The following GMDS variants were observed in gnomAD, a reference collection of about 807,000 sequenced individuals.
GMDS encodes the protein GDP-mannose 4,6 dehydratase.
Under a neutral mutation model 49.9 loss-of-function variants are expected in GMDS, and 20 were observed. The ratio of observed to expected loss-of-function variants is 0.40; its 90% confidence interval spans 0.28 to 0.58. The LOEUF (loss-of-function observed/expected upper bound fraction) is 0.58, where lower values mean the gene tolerates loss of function less well. Among genes scored for constraint, GMDS ranks in the 20% least tolerant of loss-of-function variants. The probability of loss-of-function intolerance (pLI) is 0.42; values close to 1 mark genes in which losing one functional copy is unlikely to be tolerated. For synonymous variants in GMDS, 177 were observed against 178.6 expected (o/e 0.99, Z 0.07); for missense variants, 362 against 481.4 (o/e 0.75, Z 2.32).
At chr6:1,904,606 G>A (rs1252696988) in intron 7 of GMDS, among the ~76,000 whole-genome samples, 1 of 152,208 alleles carries the variant, frequency 6.6e-6, no homozygotes, top group African/African-American at 2.4e-5. Context: ...AGAGTGCTGT[G>A]CTCACTGCTG....
At chr6:1,863,312 G>A (rs1054951585) in intron 7 of GMDS, among the ~76,000 whole-genome samples, 3 of 152,032 alleles carry the variant, frequency 2.0e-5, no homozygotes, top group Admixed American at 6.6e-5. Flanking sequence ...ATGTTTTTAC[G>A]ATTTCACTTC....
intron 9 of GMDS, among the ~76,000 whole-genome samples, chr6:1,699,517 T>A (rs1412056007): frequency 6.6e-6 from 1 of 152,118 alleles, no homozygotes; most frequent in Non-Finnish European, 1.5e-5. Context: ...TGGCTGCCTC[T>A]AGAGGCTCCC....
At chr6:2,071,822 G>A (rs936064629) in intron 4 of GMDS, among the ~76,000 whole-genome samples, 2 of 152,108 alleles carry the variant, frequency 1.3e-5, no homozygotes, top group African/African-American at 2.4e-5. Flanking sequence ...ATTCCAAGAC[G>A]GTCCAAGCTC....
chr6:1,686,562 AC>A (rs779689036), intron 9 of GMDS, among the ~76,000 whole-genome samples: 18 of 152,170 alleles, frequency 1.2e-4, no homozygotes, highest in South Asian at 8.3e-4. Context: ...TCTTTGTATA[AC>A]CATTTAAGAA....
intron 6 of GMDS, 182 bp downstream of exon 6, chr6:1,959,685 A>C: frequency 2.5e-6 from 1 of 399,244 alleles, no homozygotes; most frequent in South Asian, 9.7e-5. Context: ...CACAAACTCA[A>C]AATAAAATTA....
chr6:1,754,437 T>C (rs952763834), intron 7 of GMDS, among the ~76,000 whole-genome samples: 3 of 152,198 alleles, frequency 2.0e-5, no homozygotes, highest in Non-Finnish European at 2.9e-5. Flanking sequence ...CACAGCCGAA[T>C]TCTACCAGAG....
rs1385543754 is a variant in GMDS, at chr6:1,675,449, T to C, written c.988-50909A>G. On this transcript the variant is annotated intron_variant, in intron 9 of 10. Coordinates refer to ENST00000380815, the MANE Select transcript of GMDS (RefSeq NM_001500.4). ...CCTTTTATTCCTTTTCTTACATTAT[T>C]GTATTAGAAAGGGCTTCCAGTGCAA... is the stretch of plus-strand genomic sequence containing the variant. Among the ~76,000 whole-genome samples, 9 of 152,180 alleles carry C rather than the reference T, an allele frequency of 5.9e-5. No individual in the cohort carries two copies. The East Asian group carries it at 1.3e-3, about 23-fold the overall frequency.
rs189945307 is a variant in GMDS, at chr6:1,930,054, A to G, written c.771+49T>C. On this transcript the variant is annotated intron_variant, in intron 7 of 10. Coordinates refer to ENST00000380815, the MANE Select transcript of GMDS (RefSeq NM_001500.4). ...TTTCACTGTACGCTTGGCATTTAGA[A>G]TATCAATGGATACGGGTATTTTCAA... 13 of 1,526,514 alleles carry G rather than the reference A, an allele frequency of 8.5e-6. No individual in the cohort carries two copies. The East Asian group carries it at 2.0e-4, about 24-fold the overall frequency. The allele number at this position is 1,526,514 out of a possible 1,614,324, so 94.6% of individuals were successfully genotyped here.
At chr6:2,232,417 A>G (rs1781150024) in intron 1 of GMDS, among the ~76,000 whole-genome samples, 1 of 152,180 alleles carries the variant, frequency 6.6e-6, no homozygotes, top group Non-Finnish European at 1.5e-5. Flanking sequence ...GTTTGTCAGC[A>G]CTTATGGCCC....
intron 1 of GMDS, among the ~76,000 whole-genome samples, chr6:2,244,993 C>A (rs1781795263): frequency 6.6e-6 from 1 of 152,200 alleles, no homozygotes; most frequent in Non-Finnish European, 1.5e-5. Context: ...CTGCGAAGCA[C>A]GACATGGGCT....
chr6:1,697,263 ACACT>A (rs1765376910), intron 9 of GMDS, among the ~76,000 whole-genome samples: 1 of 152,222 alleles, frequency 6.6e-6, no homozygotes, highest in African/African-American at 2.4e-5. Context: ...CTGGGGCAAC[ACACT>A]CACAGCCTTT....
chr6:2,217,524 TTAC>T (rs1780396061), intron 1 of GMDS, among the ~76,000 whole-genome samples: 1 of 152,206 alleles, frequency 6.6e-6, no homozygotes, highest in Non-Finnish European at 1.5e-5. Flanking sequence ...ACTAAGCCTT[TTAC>T]TGGGGTAAGG....
intron 7 of GMDS, among the ~76,000 whole-genome samples, chr6:1,869,319 C>A (rs1270439367): frequency 6.6e-6 from 1 of 152,062 alleles, no homozygotes; most frequent in African/African-American, 2.4e-5. Flanking sequence ...AAATAAAAAT[C>A]AAGGGCGTAA....
intron 4 of GMDS, among the ~76,000 whole-genome samples, chr6:1,978,863 A>T (rs1765068026): frequency 6.6e-6 from 1 of 152,208 alleles, no homozygotes; most frequent in Non-Finnish European, 1.5e-5. Context: ...GCAATAGGTC[A>T]GTACCCTTGT....
chr6:2,040,479 C>G (rs1769610409), intron 4 of GMDS, among the ~76,000 whole-genome samples: 3 of 152,176 alleles, frequency 2.0e-5, no homozygotes, highest in African/African-American at 7.2e-5. Context: ...TACTTGCTAT[C>G]AGAAAGGATG....
intron 7 of GMDS, among the ~76,000 whole-genome samples, chr6:1,772,997 A>G (rs1440831567): frequency 6.6e-6 from 1 of 152,214 alleles, no homozygotes; most frequent in East Asian, 1.9e-4. Flanking sequence ...GAGCCTGCTA[A>G]TCCCTATTTG....
At chr6:1,875,352 G>A (rs1758986574) in intron 7 of GMDS, among the ~76,000 whole-genome samples, 1 of 143,006 alleles carries the variant, frequency 7.0e-6, no homozygotes, top group African/African-American at 2.6e-5. Context: ...ACACACACAC[G>A]GACTGGAAAG....
intron 7 of GMDS, among the ~76,000 whole-genome samples, chr6:1,902,871 C>G (rs748810252): frequency 6.6e-6 from 1 of 152,122 alleles, no homozygotes; most frequent in Non-Finnish European, 1.5e-5. Context: ...AGAATTTAAA[C>G]ATCAATATAA....
At chr6:1,811,172 C>T (rs1309925224) in intron 7 of GMDS, among the ~76,000 whole-genome samples, 1 of 152,162 alleles carries the variant, frequency 6.6e-6, no homozygotes, top group East Asian at 1.9e-4. Flanking sequence ...TGAGTAAACG[C>T]TCATATATTT....
Sources: allele counts gnomAD v4.1 joint callset (sites outside exome capture counted in the v4.1 genomes callset), GRCh38; gene constraint gnomAD v4.1.1; transcripts MANE v1.5; gene names NCBI Gene and HGNC (gene_info 2026-07-23, HGNC 2026-07-21).